RHOBTB3: variants seen among roughly 807,000 people sequenced by gnomAD.
RHOBTB3 encodes rho-related BTB domain-containing protein 3.
In RHOBTB3, 47 loss-of-function variants were observed where a neutral mutation model predicts 67.2. That is an observed-to-expected ratio of 0.70 (90% CI 0.55 to 0.89). RHOBTB3 has a LOEUF of 0.89. Among genes scored for constraint, RHOBTB3 ranks in the 40% least tolerant of loss-of-function variants. RHOBTB3 has a pLI of 0.00. For missense variants in RHOBTB3, 631 were observed against 750.0 expected, an observed-to-expected ratio of 0.84 and a Z score of 1.85; for synonymous variants, 273 against 274.2, an observed-to-expected ratio of 1.00 and a Z score of 0.04.
At chr5:95,730,568 T>C (rs886440131), upstream of RHOBTB3, among the ~76,000 whole-genome samples, 1 of 152,230 alleles carries the variant, frequency 6.6e-6, no homozygotes, top group Non-Finnish European at 1.5e-5. Flanking sequence ...GGAGCTATTA[T>C]TAAATATGTG....
chr5:95,719,304 G>C (rs1754791145), intron 1 of RHOBTB3, among the ~76,000 whole-genome samples: 1 of 152,142 alleles, frequency 6.6e-6, no homozygotes, highest in African/African-American at 2.4e-5. Context: ...TCAGGAGGAT[G>C]AAAGAGTAAT....
At chr5:95,725,371 C>A (rs1755023361) in intron 1 of RHOBTB3, among the ~76,000 whole-genome samples, 1 of 152,168 alleles carries the variant, frequency 6.6e-6, no homozygotes, top group African/African-American at 2.4e-5. Context: ...TAGGAATGCA[C>A]ATAGAGGTTG....
At chr5:95,733,118 A>G (rs1755345128) in intron 2 of RHOBTB3, among the ~76,000 whole-genome samples, 1 of 152,244 alleles carries the variant, frequency 6.6e-6, no homozygotes. Flanking sequence ...AAAGTTCCAC[A>G]TAACAGAACG....
At chr5:95,744,429 G>T (rs569981617) in intron 3 of RHOBTB3, among the ~76,000 whole-genome samples, 1 of 151,950 alleles carries the variant, frequency 6.6e-6, no homozygotes, top group Non-Finnish European at 1.5e-5. Flanking sequence ...TTGCAGTCAT[G>T]TCTATCTTCT....
At chr5:95,732,954 CAG>C (rs1172835360) in intron 2 of RHOBTB3, among the ~76,000 whole-genome samples, 2 of 151,980 alleles carry the variant, frequency 1.3e-5, no homozygotes, top group African/African-American at 4.8e-5. Context: ...CATTTAATAA[CAG>C]AAGAAAGTTT....
intron 8 of RHOBTB3, among the ~76,000 whole-genome samples, chr5:95,776,899 C>T (rs1184225019): frequency 1.3e-5 from 2 of 152,144 alleles, no homozygotes; most frequent in Non-Finnish European, 2.9e-5. Context: ...ACTGGTGGAT[C>T]GCTGTACTTT....
intron 1 of RHOBTB3, among the ~76,000 whole-genome samples, chr5:95,720,586 T>C (rs1754840634): frequency 6.6e-6 from 1 of 152,192 alleles, no homozygotes; most frequent in Non-Finnish European, 1.5e-5. Flanking sequence ...TAATGAGTAC[T>C]ACAATGCTTG....
chr5:95,783,975 T>C lies in RHOBTB3; in HGVS notation c.1623+12T>C. On this transcript the variant is annotated intron_variant, in intron 10 of 11. Coordinates refer to ENST00000379982, the MANE Select transcript of RHOBTB3 (RefSeq NM_014899.4). ...TTAAAAAGGCCAAGGTAATTGACTC[T>C]GTGTATCTGATAGCCTAGTTTTTTA... 1.3e-6 allele frequency: 2 copies of C among 1,579,660 alleles called. No homozygotes were observed. The highest frequency in any genetic ancestry group is 1.7e-6 in the Non-Finnish European group (2 of 1,158,928).
At chr5:95,761,768 A>G (rs1745402285) in intron 6 of RHOBTB3, among the ~76,000 whole-genome samples, 1 of 152,176 alleles carries the variant, frequency 6.6e-6, no homozygotes, top group Admixed American at 6.5e-5. Flanking sequence ...GGTATGGTTG[A>G]TAATCACTGG....
chr5:95,744,981 G>A (rs1744828627), intron 3 of RHOBTB3, among the ~76,000 whole-genome samples: 1 of 152,006 alleles, frequency 6.6e-6, no homozygotes, highest in African/African-American at 2.4e-5. Context: ...TGAGGTGGGA[G>A]GATCACTTGA....
At chr5:95,731,043 G>C (rs561274520), upstream of RHOBTB3, 3 of 1,017,042 alleles carry the variant, frequency 2.9e-6, no homozygotes, top group East Asian at 2.0e-4. Context: ...TCCTGGCTCT[G>C]GTTACGGCCT....
At chr5:95,762,395 G>A (rs1203695889) in intron 6 of RHOBTB3, among the ~76,000 whole-genome samples, 1 of 152,190 alleles carries the variant, frequency 6.6e-6, no homozygotes, top group Non-Finnish European at 1.5e-5. Flanking sequence ...TTTAATAAGT[G>A]TTTATGTGCC....
intron 3 of RHOBTB3, among the ~76,000 whole-genome samples, chr5:95,741,368 A>C (rs1755592821): frequency 6.6e-6 from 1 of 151,426 alleles, no homozygotes; most frequent in African/African-American, 2.4e-5. Flanking sequence ...GATAGAATCC[A>C]TATTTTCATT....
intron 3 of RHOBTB3, among the ~76,000 whole-genome samples, chr5:95,745,787 T>G (rs955064663): frequency 6.6e-6 from 1 of 152,164 alleles, no homozygotes; most frequent in African/African-American, 2.4e-5. Context: ...GTTTGAATCC[T>G]CTGCTTGTTC....
At chr5:95,769,578 T>G (rs1195837603) in intron 8 of RHOBTB3, 3 of 172,902 alleles carry the variant, frequency 1.7e-5, no homozygotes, top group African/African-American at 7.2e-5. Flanking sequence ...AAAAGGGTTG[T>G]CATCACAGTA....
At chr5:95,767,789 C>T (rs746529634) in intron 7 of RHOBTB3, 14 of 702,282 alleles carry the variant, frequency 2.0e-5, no homozygotes, top group Non-Finnish European at 3.4e-5. Context: ...TGCAGCTTCT[C>T]AGCAATGGAG....
chr5:95,719,282 A>T (rs1005588322), intron 1 of RHOBTB3, among the ~76,000 whole-genome samples: 1 of 152,154 alleles, frequency 6.6e-6, no homozygotes, highest in Non-Finnish European at 1.5e-5. Flanking sequence ...ATCTCAGAAG[A>T]ACAGAAGTGC....
intron 3 of RHOBTB3, among the ~76,000 whole-genome samples, chr5:95,738,813 A>G (rs1561440076): frequency 6.6e-6 from 1 of 152,326 alleles, no homozygotes; most frequent in East Asian, 1.9e-4. Flanking sequence ...AATACACTTT[A>G]ATAACAATTA....
At chr5:95,732,486 A>C in intron 2 of RHOBTB3, 1 of 320,728 alleles carries the variant, frequency 3.1e-6, no homozygotes. Flanking sequence ...ATCCCTCTCA[A>C]AGCTCAACAC....
Sources: gnomAD v4.1 joint callset for allele counts (sites outside exome capture counted in the v4.1 genomes callset) on GRCh38, gnomAD v4.1.1 for gene constraint, MANE v1.5 for transcripts, NCBI Gene and HGNC (gene_info 2026-07-23, HGNC 2026-07-21) for gene names.